Variants in ACOT1 observed in about 807,000 individuals in gnomAD.
ACOT1 encodes acyl-coenzyme A thioesterase 1.
In ACOT1, 8 loss-of-function variants were observed where a neutral mutation model predicts 15.7. The ratio of observed to expected loss-of-function variants is 0.51; its 90% CI spans 0.30 to 0.92. The LOEUF is 0.92. Among genes scored for constraint, ACOT1 ranks in the 40% least tolerant of loss-of-function variants. The probability of loss-of-function intolerance (pLI) is 0.06; values close to 1 mark genes in which losing one functional copy is unlikely to be tolerated. For synonymous variants in ACOT1, 67 were observed against 241.2 expected, an observed-to-expected ratio of 0.28 and a Z score of 6.69; for missense variants, 151 against 539.4, an observed-to-expected ratio of 0.28 and a Z score of 7.13.
Position 73,537,652 on chromosome 14 carries a change from C to G in ACOT1, c.231C>G (p.Pro77=). The change falls in exon 1 of 3, where the codon CCC becomes CCG. Residue 77 remains proline (P), a synonymous_variant. Transcript: ENST00000311148. ...GCGGCAGCTTCGCGGGGCTTGAGCC[C>G]ATGGGGCTGCTCTGGGCCTTGGAGC... ...ALGGSFAGLE[P]MGLLWALEPE... 8.1e-7 allele frequency: 1 copy of G among 1,235,500 alleles called. No individual in the cohort carries two copies. The highest frequency in any genetic ancestry group is 1.1e-6 in the Non-Finnish European group (1 of 935,342). The allele number at this position is 1,235,500 out of a possible 1,614,324, so 76.5% of individuals were successfully genotyped here.
At chr14:73,492,956 T>C in the ACOT1 span, 1 of 1,610,944 alleles carries the variant, frequency 6.2e-7, no homozygotes, top group Non-Finnish European at 8.5e-7. This position sits in a 1 kb window ranked among gnomAD's most constrained non-coding sequence, Gnocchi z 4.9. Context: ...TCTTGTTGAT[T>C]GCTGGAAACA....
the ACOT1 span, among the ~76,000 whole-genome samples, chr14:73,495,798 T>G: frequency 3.9e-4 from 60 of 152,126 alleles, no homozygotes; most frequent in Non-Finnish European, 3.1e-4. Context: ...TCCTTTCCCC[T>G]CTATTCCTTC....
chr14:73,500,707 G>T, the ACOT1 span: 1 of 1,613,990 alleles, frequency 6.2e-7, no homozygotes, highest in East Asian at 2.2e-5. Flanking sequence ...ACGCTCCTGG[G>T]AATTTCCTTG....
chr14:73,491,656 G>T, the ACOT1 span: 1 of 1,549,842 alleles, frequency 6.5e-7, no homozygotes, highest in Non-Finnish European at 8.7e-7. Context: ...TCGCGCCCAT[G>T]CCGCCAGATC....
At chr14:73,497,520 A>G in the ACOT1 span, among the ~76,000 whole-genome samples, 2 of 152,176 alleles carry the variant, frequency 1.3e-5, no homozygotes, top group Non-Finnish European at 2.9e-5. Flanking sequence ...TCACATAGCT[A>G]TTGCATGCCA....
the ACOT1 span, chr14:73,522,314 T>C: frequency 6.2e-7 from 1 of 1,614,246 alleles, no homozygotes; most frequent in Non-Finnish European, 8.5e-7. Context: ...CTTCTTTTCC[T>C]GTGGGGGCAG....
At chr14:73,502,962 C>G in the ACOT1 span, 5 of 1,614,140 alleles carry the variant, frequency 3.1e-6, no homozygotes, top group African/African-American at 6.7e-5. Context: ...GCTCTCCTCA[C>G]TTCCTTATTC....
the ACOT1 span, among the ~76,000 whole-genome samples, chr14:73,510,802 TG>T: frequency 6.6e-6 from 1 of 152,192 alleles, no homozygotes; most frequent in Non-Finnish European, 1.5e-5. Flanking sequence ...AGGAGCATGT[TG>T]TTTATTCACT....
chr14:73,501,446 G>A, the ACOT1 span, among the ~76,000 whole-genome samples: 1 of 150,500 alleles, frequency 6.6e-6, no homozygotes, highest in Non-Finnish European at 1.5e-5. Context: ...TTAGAGATGG[G>A]GTCTTGCTAT....
the ACOT1 span, chr14:73,498,384 C>A: frequency 1.3e-6 from 2 of 1,512,888 alleles, no homozygotes; most frequent in South Asian, 1.2e-5. Flanking sequence ...GAAGACTGAG[C>A]TTACTATATT....
chr14:73,531,420 C>G, the ACOT1 span, among the ~76,000 whole-genome samples: 7 of 106,124 alleles, frequency 6.6e-5, 2 homozygotes, highest in Admixed American at 2.2e-4. Flanking sequence ...TGGAGTTTTT[C>G]GTCTTTTTTT....
At chr14:73,527,460 T>G in the ACOT1 span, 5 of 150,800 alleles carry the variant, frequency 3.3e-5, no homozygotes, top group African/African-American at 1.2e-4. Context: ...GAGATTGAAA[T>G]AACAAAAATC....
chr14:73,524,925 C>T, the ACOT1 span, among the ~76,000 whole-genome samples: 1 of 152,144 alleles, frequency 6.6e-6, no homozygotes, highest in Non-Finnish European at 1.5e-5. Context: ...CACATAGCCT[C>T]TCTCCCTAGG....
At chr14:73,508,385 C>G in the ACOT1 span, 13 of 1,018,170 alleles carry the variant, frequency 1.3e-5, no homozygotes, top group Non-Finnish European at 1.8e-5. Flanking sequence ...GCTGCTACCC[C>G]ACCTGATATC....
At chr14:73,521,477 G>A in the ACOT1 span, among the ~76,000 whole-genome samples, 374 of 152,314 alleles carry the variant, frequency 2.5e-3, 4 homozygotes, top group African/African-American at 8.5e-3. Context: ...GTACATATCT[G>A]TGTCTGTTGC....
At chr14:73,510,112 C>T in the ACOT1 span, among the ~76,000 whole-genome samples, 1 of 151,496 alleles carries the variant, frequency 6.6e-6, no homozygotes, top group African/African-American at 2.4e-5. Context: ...CCACCTGCCT[C>T]AGCCTCCCAA....
At position 73,537,471 on chromosome 14, in the gene ACOT1, A is replaced by T; in HGVS notation, c.50A>T (p.Glu17Val). Residue 17 changes from glutamate (E) to valine (V), a missense_variant, in exon 1 of 3, where the codon GAA (glutamate) becomes GTA (valine). Coordinates refer to ENST00000311148, the MANE Select transcript of ACOT1 (RefSeq NM_001037161.2). ...CCCGCGGGCCGCTGCTGCTGGGACG[A>T]ACCGGTGCGAATCGCCGTGCGCGGC... ...LEPAGRCCWD[E>V]PVRIAVRGLA... 8.1e-7 allele frequency: 1 copy of T among 1,228,382 alleles called. No homozygotes were observed. The highest frequency in any genetic ancestry group is 1.1e-6 in the Non-Finnish European group (1 of 928,692). The allele number at this position is 1,228,382 out of a possible 1,614,324, so 76.1% of individuals were successfully genotyped here.
the ACOT1 span, chr14:73,498,079 G>T: frequency 2.2e-6 from 3 of 1,371,910 alleles, no homozygotes; most frequent in Non-Finnish European, 3.0e-6. Flanking sequence ...TGGAAAGGCA[G>T]GGACATATTC....
chr14:73,519,212 C>G, the ACOT1 span: 10 of 1,560,442 alleles, frequency 6.4e-6, no homozygotes, highest in Non-Finnish European at 8.7e-6. Flanking sequence ...TCCCTATTTC[C>G]TTTCTCCCTG....
Sources: allele counts gnomAD v4.1 joint callset (sites outside exome capture counted in the v4.1 genomes callset), GRCh38; gene constraint gnomAD v4.1.1; non-coding constraint Gnocchi (gnomAD v3.1); transcripts MANE v1.5; gene names NCBI Gene and HGNC (gene_info 2026-07-23, HGNC 2026-07-21).